Variants in PBX1 observed in about 807,000 individuals in gnomAD.
The protein encoded by PBX1 is pre-B-cell leukemia transcription factor 1.
PBX1 carries 6 observed loss-of-function variants against 53.4 expected under a neutral mutation model. The ratio of observed to expected loss-of-function variants is 0.11; its 90% CI spans 0.06 to 0.22. The LOEUF (loss-of-function observed/expected upper bound fraction) is 0.22, where lower values mean the gene tolerates loss of function less well. Among genes scored for constraint, PBX1 ranks in the 10% least tolerant of loss-of-function variants. The probability of loss-of-function intolerance (pLI) is 1.00; values close to 1 mark genes in which losing one functional copy is unlikely to be tolerated. For missense variants in PBX1, 251 were observed against 551.4 expected (o/e 0.46, Z 5.46); for synonymous variants, 204 against 212.3 (o/e 0.96, Z 0.34).
In PBX1 at chr1:164,559,901, C is replaced by G; in HGVS notation, c.79C>G (p.Gln27Glu). The part of the protein sequence containing the change: ...AGHPGLSQHL[Q>E]DGAGGTEGEG... ...ACACCCCGGCCTGTCCCAGCACTTG[C>G]AGGATGGGGCCGGAGGGACCGAGGG... is the stretch of plus-strand genomic sequence containing the variant. The change falls in exon 1 of 9, where the codon CAG (glutamine) becomes GAG (glutamate). Residue 27 changes from glutamine (Q) to glutamate (E), a missense_variant. Gln to Glu is a conservative substitution (Grantham distance 29). Transcript: ENST00000420696. 2 of 1,549,608 alleles carry G rather than the reference C, an allele frequency of 1.3e-6. No individual in the cohort carries two copies. Among genetic ancestry groups the G allele is most frequent in the Non-Finnish European group, 1.7e-6 (2 of 1,145,972 alleles).
intron 2 of PBX1, among the ~76,000 whole-genome samples, chr1:164,640,570 T>G (rs1659071348): frequency 1.3e-5 from 2 of 150,728 alleles, no homozygotes; most frequent in African/African-American, 4.9e-5. Context: ...TTTTTTTTTT[T>G]TTTTTAGACG....
At chr1:164,657,045 A>T (rs1279651573) in intron 2 of PBX1, 1 of 152,198 alleles carries the variant, frequency 6.6e-6, no homozygotes, top group Non-Finnish European at 1.5e-5. Context: ...TATTCCAAAT[A>T]AGGATATAAT....
chr1:164,712,453 C>T (rs991433605), intron 2 of PBX1, among the ~76,000 whole-genome samples: 1 of 152,142 alleles, frequency 6.6e-6, no homozygotes, highest in Non-Finnish European at 1.5e-5. Flanking sequence ...CCTTATCGCT[C>T]GGGAGAGATA....
intron 2 of PBX1, among the ~76,000 whole-genome samples, chr1:164,742,150 A>G (rs1310931922): frequency 6.6e-6 from 1 of 152,182 alleles, no homozygotes; most frequent in African/African-American, 2.4e-5. Context: ...TAGATATTTT[A>G]TTCTATCTCA....
At position 164,595,014 on chromosome 1, in the gene PBX1, C is replaced by T. The variant is rs74117944; in HGVS notation, c.265+31703C>T. On this transcript the variant is annotated intron_variant, in intron 2 of 8. Transcript: ENST00000420696. ...CTTTGAACGTGAAGACAAAAGAACC[C>T]GGTTTCTGTTCATACTTTTATATCC... 7.5e-3 allele frequency among the ~76,000 whole-genome samples: 1,142 copies of T among 152,288 alleles called. 19 individuals carry two copies. Among genetic ancestry groups the T allele is most frequent in the African/African-American group, 0.026 (1,096 of 41,556 alleles).
chr1:164,732,028 G>T (rs1389995348), intron 2 of PBX1, among the ~76,000 whole-genome samples: 1 of 152,100 alleles, frequency 6.6e-6, no homozygotes, highest in Non-Finnish European at 1.5e-5. Flanking sequence ...GACAATGTTG[G>T]GGAGAGGGCC....
At chr1:164,799,974 C>A in intron 4 of PBX1, 85 bp downstream of exon 4, 1 of 1,262,442 alleles carries the variant, frequency 7.9e-7, no homozygotes, top group Non-Finnish European at 1.1e-6. Context: ...CCTTCAGGCT[C>A]TAGTTTCACC....
chr1:164,610,964 TTTTCC>T (rs1198994915), intron 2 of PBX1, among the ~76,000 whole-genome samples: 1 of 152,196 alleles, frequency 6.6e-6, no homozygotes, highest in Non-Finnish European at 1.5e-5. Context: ...CATAAATCCT[TTTTCC>T]TTTCCTTTTA....
At chr1:164,706,150 A>G (rs923581203) in intron 2 of PBX1, among the ~76,000 whole-genome samples, 2 of 152,000 alleles carry the variant, frequency 1.3e-5, no homozygotes, top group South Asian at 4.2e-4. Flanking sequence ...TTTTGCCCCT[A>G]TGACCTCTGA....
intron 5 of PBX1, among the ~76,000 whole-genome samples, chr1:164,811,021 A>G (rs1669582920): frequency 6.6e-6 from 1 of 152,226 alleles, no homozygotes; most frequent in Non-Finnish European, 1.5e-5. Flanking sequence ...GGAGTTAAAT[A>G]TCAATGATAT....
intron 2 of PBX1, among the ~76,000 whole-genome samples, chr1:164,642,992 TTC>T (rs1659234121): frequency 6.6e-6 from 1 of 152,158 alleles, no homozygotes; most frequent in African/African-American, 2.4e-5. Flanking sequence ...TAAAGCTTCA[TTC>T]TGAGGGCATC....
At chr1:164,841,361 G>C (rs764555468) in intron 8 of PBX1, among the ~76,000 whole-genome samples, 19 of 152,144 alleles carry the variant, frequency 1.2e-4, no homozygotes, top group Non-Finnish European at 2.5e-4. Flanking sequence ...TGTTGATAGG[G>C]GAAGTAAGCA....
At chr1:164,591,248 G>C (rs1655356474) in intron 2 of PBX1, among the ~76,000 whole-genome samples, 1 of 152,180 alleles carries the variant, frequency 6.6e-6, no homozygotes, top group Admixed American at 6.5e-5. Context: ...CTGGCCTCAA[G>C]TGATCTGCCT....
In PBX1 at chr1:164,849,586, G is replaced by A. The variant is rs1302178029; in HGVS notation, c.*2910G>A. The A allele has an allele frequency of 2.2e-6, 2 of 898,292 alleles. No homozygotes were observed. Among genetic ancestry groups the A allele is most frequent in the South Asian group, 2.0e-5 (1 of 50,126 alleles). 55.6% of individuals were successfully genotyped at this position (898,292 alleles called of 1,614,324 possible). On this transcript the variant is annotated 3_prime_UTR_variant, in exon 9 of 9. Coordinates refer to ENST00000420696, the MANE Select transcript of PBX1 (RefSeq NM_002585.4). ...TGGGAGTGCTCCATTTTCCCCGACAGCGAATTTCCCCTGAGAAACGATACT... is the reference window on the plus strand; with the variant it reads ...TGGGAGTGCTCCATTTTCCCCGACAACGAATTTCCCCTGAGAAACGATACT...
At chr1:164,595,932 G>A (rs1003728242) in intron 2 of PBX1, among the ~76,000 whole-genome samples, 1 of 152,120 alleles carries the variant, frequency 6.6e-6, no homozygotes, top group Non-Finnish European at 1.5e-5. Context: ...CTTTGGTGGA[G>A]TTCAATATGG....
chr1:164,569,563 C>CTT (rs1653680438), intron 2 of PBX1, among the ~76,000 whole-genome samples: 2 of 106,528 alleles, frequency 1.9e-5, no homozygotes, highest in South Asian at 2.8e-4. Flanking sequence ...TTTTTCCTTG[C>CTT]ATTTTTTTTT....
chr1:164,735,339 C>G (rs988248096), intron 2 of PBX1, among the ~76,000 whole-genome samples: 1 of 152,138 alleles, frequency 6.6e-6, no homozygotes, highest in Non-Finnish European at 1.5e-5. Context: ...TTTGCTGTCG[C>G]AGATTTAATG....
At chr1:164,872,816 A>T (rs1220163536) in intron 2 of PBX1, among the ~76,000 whole-genome samples, 1 of 152,152 alleles carries the variant, frequency 6.6e-6, no homozygotes, top group Admixed American at 6.5e-5. Flanking sequence ...TTTTACATTT[A>T]TCCTTGTTAA....
At chr1:164,720,900 G>A (rs561878255) in intron 2 of PBX1, among the ~76,000 whole-genome samples, 7 of 152,230 alleles carry the variant, frequency 4.6e-5, no homozygotes, top group East Asian at 3.9e-4. Flanking sequence ...GGGTTTCTGC[G>A]GTTTCCTTCC....
Sources: allele counts gnomAD v4.1 joint callset (sites outside exome capture counted in the v4.1 genomes callset), GRCh38; gene constraint gnomAD v4.1.1; transcripts MANE v1.5; gene names NCBI Gene and HGNC (gene_info 2026-07-23, HGNC 2026-07-21).